NRBP1: variants seen among roughly 807,000 people sequenced by gnomAD.
NRBP1 encodes nuclear receptor binding protein 1, also known as nuclear receptor-binding protein.
NRBP1 carries 10 observed loss-of-function variants against 76.0 expected under a neutral mutation model. The ratio of observed to expected loss-of-function variants is 0.13; its 90% confidence interval spans 0.08 to 0.22. The LOEUF is 0.22. NRBP1 is among the 10% of genes least tolerant of loss of function. NRBP1 has a pLI of 1.00. For synonymous variants in NRBP1, 235 were observed against 240.2 expected (o/e 0.98, Z 0.20); for missense variants, 344 against 646.0 (o/e 0.53, Z 5.07).
In NRBP1 at chr2:27,440,528, T is replaced by C. The variant is rs1664497453; in HGVS notation, c.1142+20T>C. ...GACTTTGTGAGTAACTGAGAGGGTC[T>C]GAAAGGGGCAGATTGGTCACGACCA... is the stretch of plus-strand genomic sequence containing the variant. On this transcript the variant is annotated intron_variant, in intron 12 of 17. Coordinates refer to ENST00000379852, the MANE Select transcript of NRBP1 (RefSeq NM_013392.4). 6.2e-7 allele frequency: 1 copy of C among 1,606,248 alleles called. No homozygotes were observed. The highest frequency in any genetic ancestry group is 1.7e-5 in the Admixed American group (1 of 59,978).
chr2:27,433,726 A>G lies in NRBP1; in HGVS notation c.264A>G (p.Thr88=). 1 of 1,614,220 alleles carries G rather than the reference A, an allele frequency of 6.2e-7. No individual in the cohort carries two copies. The part of the protein sequence containing the change: ...GIDSAYLAMD[T]EEGVEVVWNE... ...ACAGTGCATACCTGGCCATGGATAC[A>G]GAGGAAGGTGTAGAGGTTGTGTGGA... Residue 88 remains threonine, a synonymous_variant, in exon 3 of 18, where the codon ACA becomes ACG. Transcript: ENST00000379852.
At chr2:27,432,389 C>G (rs1048597345) in intron 1 of NRBP1, among the ~76,000 whole-genome samples, 1 of 152,154 alleles carries the variant, frequency 6.6e-6, no homozygotes, top group African/African-American at 2.4e-5. Context: ...GTTAATGTTT[C>G]AGTATTTAGG....
intron 1 of NRBP1, among the ~76,000 whole-genome samples, chr2:27,430,376 A>G (rs10186685): frequency 0.014 from 2,069 of 152,270 alleles, 44 homozygotes; most frequent in African/African-American, 0.046. Context: ...TGGGCTTTTC[A>G]AAAGATTGGT....
rs1441115520 is a variant in NRBP1 at position 27,433,497 on chromosome 2, A to G, written c.210+14A>G. On this transcript the variant is annotated intron_variant, in intron 2 of 17. Transcript: ENST00000379852. ...AGGCGAGAAGAGGTAAGGTTATGGTACAGTTACTCTTGGGTGAGTGAATTC... is the reference window on the plus strand; with the variant it reads ...AGGCGAGAAGAGGTAAGGTTATGGTGCAGTTACTCTTGGGTGAGTGAATTC... 1.2e-6 allele frequency: 2 copies of G among 1,613,194 alleles called. No homozygotes were observed. The highest frequency in any genetic ancestry group is 1.1e-5 in the South Asian group (1 of 90,792).
At chr2:27,433,917 A>C in intron 3 of NRBP1, 72 bp from the exon 4 acceptor site, 1 of 1,594,240 alleles carries the variant, frequency 6.3e-7, no homozygotes, top group Non-Finnish European at 8.6e-7. Flanking sequence ...CTGGGGAGGG[A>C]TAGGGAATGG....
rs1302670230 is a variant in NRBP1 at position 27,436,749 on chromosome 2, C to T, written c.662-4C>T. 6.2e-7 allele frequency: 1 copy of T among 1,612,984 alleles called. No individual in the cohort carries two copies. Among genetic ancestry groups the T allele is most frequent in the Non-Finnish European group, 8.5e-7 (1 of 1,179,096 alleles). On this transcript the variant is annotated splice_region_variant and splice_polypyrimidine_tract_variant and intron_variant, in intron 7 of 17. Coordinates refer to ENST00000379852, the MANE Select transcript of NRBP1 (RefSeq NM_013392.4). ...CAGATTGTGGGTGTCTCCCCTACTCCCAGTGGCTCCTGACACTATCAACAA... is the reference window on the plus strand; with the variant it reads ...CAGATTGTGGGTGTCTCCCCTACTCTCAGTGGCTCCTGACACTATCAACAA...
chr2:27,440,789 C>T lies in NRBP1; in HGVS notation c.1194-16C>T, dbSNP rs1472610545. 6.2e-7 allele frequency: 1 copy of T among 1,613,990 alleles called. No homozygotes were observed. Among genetic ancestry groups the T allele is most frequent in the Non-Finnish European group, 8.5e-7 (1 of 1,180,036 alleles). On this transcript the variant is annotated splice_polypyrimidine_tract_variant and intron_variant, in intron 13 of 17. Coordinates refer to ENST00000379852, the MANE Select transcript of NRBP1 (RefSeq NM_013392.4). ...CGTTCACAGAGCCCATGTGACCTGT[C>T]TTCATCTCCCTCCAGGAATGGGATC...
rs1159337253 is a variant in NRBP1, at chr2:27,437,857, A to G, written c.903+497A>G. 2.7e-5 allele frequency among the ~76,000 whole-genome samples: 4 copies of G among 150,290 alleles called. No individual in the cohort carries two copies. In the Admixed American group the frequency reaches 2.7e-4, roughly 10 times the overall value. On this transcript the variant is annotated intron_variant, in intron 10 of 17. Transcript: ENST00000379852. ...CACTGCACTCCAGCCTGGGCGACAC[A>G]GGTAGACTCCGTCTCAGAAAAAAAG... is the stretch of plus-strand genomic sequence containing the variant.
intron 1 of NRBP1, among the ~76,000 whole-genome samples, chr2:27,428,932 C>T (rs1381921478): frequency 6.6e-6 from 1 of 151,968 alleles, no homozygotes; most frequent in Admixed American, 6.5e-5. Context: ...CTTAGCCCTC[C>T]CTGGCGTCTC....
chr2:27,429,594 C>T (rs1485822118), intron 1 of NRBP1, among the ~76,000 whole-genome samples: 3 of 152,180 alleles, frequency 2.0e-5, no homozygotes, highest in Non-Finnish European at 2.9e-5. Context: ...CTCTCAGCGG[C>T]TCCGAGACAA....
In NRBP1 at chr2:27,433,336, A is replaced by G. The variant is rs1664179047; in HGVS notation, c.63A>G (p.Ser21=). Residue 21 remains serine, a synonymous_variant, in exon 2 of 18, where the codon TCA becomes TCG. Coordinates refer to ENST00000379852, the MANE Select transcript of NRBP1 (RefSeq NM_013392.4). The part of the protein sequence containing the change: ...SSGSDPKVES[S]SSAPGLTSVS... ...GCTCAGACCCAAAGGTAGAATCCTCATCTTCAGCTCCTGGCCTGACATCAG... is the reference window on the plus strand; with the variant it reads ...GCTCAGACCCAAAGGTAGAATCCTCGTCTTCAGCTCCTGGCCTGACATCAG... 1.2e-6 allele frequency: 2 copies of G among 1,614,100 alleles called. No individual in the cohort carries two copies. Among genetic ancestry groups the G allele is most frequent in the Admixed American group, 3.3e-5 (2 of 60,010 alleles).
chr2:27,436,328 G>A (rs938847121), intron 7 of NRBP1: 9 of 193,506 alleles, frequency 4.7e-5, no homozygotes, highest in Non-Finnish European at 8.5e-5. Context: ...AGGAAGGGCT[G>A]CCTGTGTTTT....
intron 1 of NRBP1, chr2:27,432,085 G>A (rs1664136488): frequency 6.6e-6 from 1 of 152,254 alleles, no homozygotes; most frequent in Non-Finnish European, 1.5e-5. Context: ...CTGACCTCAG[G>A]TAATCCACCT....
Position 27,434,704 on chromosome 2 carries a change from G to A in NRBP1, c.526-18G>A, listed in dbSNP as rs1464211104. Reference sequence around the variant, plus strand: ...GAGAGGGAATTACTGCTGACCCTTGGATCCAACTTTGTTCCAGGCATGGAA... The same window carrying A: ...GAGAGGGAATTACTGCTGACCCTTGAATCCAACTTTGTTCCAGGCATGGAA... On this transcript the variant is annotated intron_variant, in intron 5 of 17. Transcript: ENST00000379852. 1 of 1,614,144 alleles carries A rather than the reference G, an allele frequency of 6.2e-7. No homozygotes were observed.
chr2:27,436,817 C>T lies in NRBP1; in HGVS notation c.726C>T (p.Phe242=). ...GAGAAGAGCAGAAGAATCTACACTT[C>T]TTTGCACCAGAGTATGGAGGTGAGC... is the stretch of plus-strand genomic sequence containing the variant. The part of the protein sequence containing the change: ...TCREEQKNLH[F]FAPEYGEVTN... The change falls in exon 8 of 18, where the codon TTC becomes TTT. Residue 242 remains phenylalanine (F), a synonymous_variant. Coordinates refer to ENST00000379852, the MANE Select transcript of NRBP1 (RefSeq NM_013392.4). 2.5e-6 allele frequency: 4 copies of T among 1,614,148 alleles called. No homozygotes were observed. Among genetic ancestry groups the T allele is most frequent in the Non-Finnish European group, 3.4e-6 (4 of 1,179,972 alleles).
intron 4 of NRBP1, 122 bp from the exon 5 acceptor site, chr2:27,434,349 A>T (rs1329149363): frequency 1.2e-6 from 1 of 807,366 alleles, no homozygotes. Context: ...ATTTAGTCTA[A>T]GTAAGTAAAG....
At chr2:27,437,531 A>G (rs879629393) in intron 10 of NRBP1, among the ~76,000 whole-genome samples, 171 bp downstream of exon 10, 1 of 152,198 alleles carries the variant, frequency 6.6e-6, no homozygotes, top group Non-Finnish European at 1.5e-5. Flanking sequence ...TTTTGCATAG[A>G]AACACACAGG....
intron 16 of NRBP1, 37 bp downstream of exon 16, chr2:27,441,367 A>G: frequency 6.3e-7 from 1 of 1,585,214 alleles, no homozygotes; most frequent in Non-Finnish European, 8.7e-7. Context: ...TGGAGAGTCT[A>G]TGAGCCTTAT....
intron 12 of NRBP1, 68 bp downstream of exon 12, chr2:27,440,576 C>T (rs1664500745): frequency 6.2e-7 from 1 of 1,601,958 alleles, no homozygotes; most frequent in African/African-American, 1.3e-5. Flanking sequence ...TGTAAACTGT[C>T]CATTCTCTGG....
Sources: gnomAD v4.1 joint callset for allele counts (sites outside exome capture counted in the v4.1 genomes callset) on GRCh38, gnomAD v4.1.1 for gene constraint, MANE v1.5 for transcripts, NCBI Gene and HGNC (gene_info 2026-07-23, HGNC 2026-07-21) for gene names.